Variants in SAFB observed in about 807,000 individuals in gnomAD.
SAFB encodes the protein scaffold attachment factor B.
Under a neutral mutation model 101.6 loss-of-function variants are expected in SAFB, and 15 were observed. The ratio of observed to expected loss-of-function variants is 0.15; its 90% CI spans 0.10 to 0.23. SAFB has a LOEUF of 0.23. Ranked by LOEUF, SAFB falls within the 10% of genes least tolerant of loss-of-function variation. The pLI is 1.00. For synonymous variants in SAFB, 449 were observed against 407.5 expected (o/e 1.10, Z -1.23); for missense variants, 930 against 1,104.1 (o/e 0.84, Z 2.23).
At chr19:5,662,076 G>T (rs761678244) in intron 15 of SAFB, among the ~76,000 whole-genome samples, 1 of 152,036 alleles carries the variant, frequency 6.6e-6, no homozygotes, top group Non-Finnish European at 1.5e-5. Flanking sequence ...CAGTAGAGAC[G>T]GGGTTTCACT....
rs772260780 is a variant in SAFB at position 5,664,459 on chromosome 19, G to A, written c.2334+20G>A. ...GGACAGGTAAGTCTGAAGCTACAGT[G>A]GTAGCCACAGAATTTCCCATAGAAT... On this transcript the variant is annotated intron_variant, in intron 17 of 20. Coordinates refer to ENST00000588852, the MANE Select transcript of SAFB (RefSeq NM_001201338.2). 7 of 1,598,466 alleles carry A rather than the reference G, an allele frequency of 4.4e-6. No homozygotes were observed. In the African/African-American group the frequency reaches 5.4e-5, roughly 12 times the overall value.
chr19:5,636,251 TAA>T (rs903554427), intron 2 of SAFB, among the ~76,000 whole-genome samples: 15 of 152,192 alleles, frequency 9.9e-5, no homozygotes, highest in African/African-American at 3.6e-4. Flanking sequence ...AAGTTTCTGA[TAA>T]GTTAGTAGAT....
intron 14 of SAFB, among the ~76,000 whole-genome samples, chr19:5,660,704 C>CAAAAAAAAAAA: frequency 1.3e-5 from 1 of 76,596 alleles, no homozygotes; most frequent in Non-Finnish European, 2.5e-5. Flanking sequence ...CCATCTCTAC[C>CAAAAAAAAAAA]AAAAAAAAAA....
At chr19:5,647,954 C>T in intron 5 of SAFB, 62 bp from the exon 6 acceptor site, 2 of 1,443,402 alleles carry the variant, frequency 1.4e-6, no homozygotes, top group Non-Finnish European at 2.0e-6. Flanking sequence ...TCTGGGTTTT[C>T]ATTTAAATAA....
At chr19:5,654,921 G>C (rs1209812770) in intron 13 of SAFB, among the ~76,000 whole-genome samples, 1 of 152,192 alleles carries the variant, frequency 6.6e-6, no homozygotes, top group Non-Finnish European at 1.5e-5. Context: ...CTTTTGCTCT[G>C]ATAACTGTTA....
At position 5,664,287 on chromosome 19, in the gene SAFB, C is replaced by T. The variant is rs1439404075; in HGVS notation, c.2292-110C>T. On this transcript the variant is annotated intron_variant, in intron 16 of 20. Transcript: ENST00000588852. Reference sequence around the variant, plus strand: ...TGTATGCTGAGTCAGACCCGCAGGTCTCCTGCCTTCAGTTAGGGAAATTAT... The same window carrying T: ...TGTATGCTGAGTCAGACCCGCAGGTTTCCTGCCTTCAGTTAGGGAAATTAT... 3 of 1,424,088 alleles carry T rather than the reference C, an allele frequency of 2.1e-6. No homozygotes were observed. The African/African-American group carries it at 4.2e-5, about 20-fold the overall frequency. 88.2% of individuals were successfully genotyped at this position (1,424,088 alleles called of 1,614,324 possible). A position where few individuals can be genotyped will look rare whatever the true frequency, so the allele number is the denominator to read the frequency against.
chr19:5,633,019 TCTTC>T (rs2053522418), intron 2 of SAFB, among the ~76,000 whole-genome samples: 1 of 152,268 alleles, frequency 6.6e-6, no homozygotes, highest in Non-Finnish European at 1.5e-5. Flanking sequence ...AAAGTTACTG[TCTTC>T]CTTTTCACAG....
chr19:5,657,241 G>A lies in SAFB; in HGVS notation c.1756G>A (p.Ala586Thr). The change falls in exon 14 of 21, where the codon GCT (alanine) becomes ACT (threonine). Residue 586 changes from alanine to threonine, a missense_variant and splice_region_variant. By Grantham distance (58) the Ala-to-Thr change is moderately conservative. Around this residue, in one of 7 missense-constraint regions of SAFB, gnomAD observed 159 missense variants for 234.1 expected, o/e 0.68. Transcript: ENST00000588852. ...TTTTTAATGTTCTTTGGTGAACTAG[G>A]CTTCCAAAAGCCAGGATCGCAAATC... The part of the protein sequence containing the change: ...SVKTSGSKER[A>T]SKSQDRKSAS... 1 of 1,613,022 alleles carries A rather than the reference G, an allele frequency of 6.2e-7. No homozygotes were observed. The highest frequency in any genetic ancestry group is 8.5e-7 in the Non-Finnish European group (1 of 1,179,200).
rs766296516 is a variant in SAFB, at chr19:5,654,381, C to T, written c.1680C>T (p.Thr560=). 17 of 1,612,866 alleles carry T rather than the reference C, an allele frequency of 1.1e-5. No individual in the cohort carries two copies. The Admixed American group carries it at 1.3e-4, about 13-fold the overall frequency. ...SRATKSGSRG[T]ERTVVMDKSK... is the part of the protein sequence containing the mutation. ...TCTTTTCTGTAGGAAGTCGAGGGAC[C>T]GAACGGACTGTAGTAATGGATAAAT... The change falls in exon 13 of 21, where the codon ACC becomes ACT. Residue 560 remains threonine, a synonymous_variant. Transcript: ENST00000588852.
chr19:5,645,291 GTTA>G (rs1406063153), intron 4 of SAFB, 43 bp from the exon 5 acceptor site: 1 of 806,676 alleles, frequency 1.2e-6, no homozygotes, highest in East Asian at 2.5e-5. Flanking sequence ...ATTATGTTAC[GTTA>G]TTGTTGGTGT....
At chr19:5,664,263 G>A (rs2054281227) in intron 16 of SAFB, 104 bp downstream of exon 16, 1 of 1,450,770 alleles carries the variant, frequency 6.9e-7, no homozygotes, top group East Asian at 2.3e-5. Context: ...TTCATCAGAT[G>A]TATGCTGAGT....
At chr19:5,624,721 C>T (rs1289820571) in intron 1 of SAFB, among the ~76,000 whole-genome samples, 2 of 150,148 alleles carry the variant, frequency 1.3e-5, no homozygotes, top group African/African-American at 2.5e-5. Context: ...ATGAGAAACC[C>T]TGGGCTCAAG....
At chr19:5,626,172 C>G (rs772357521) in intron 1 of SAFB, among the ~76,000 whole-genome samples, 15 of 152,148 alleles carry the variant, frequency 9.9e-5, no homozygotes, top group Non-Finnish European at 1.9e-4. Flanking sequence ...GAAGCAAAAA[C>G]TGAGCACCTA....
intron 4 of SAFB, among the ~76,000 whole-genome samples, chr19:5,642,440 A>C (rs896979679): frequency 6.6e-6 from 1 of 150,984 alleles, no homozygotes; most frequent in African/African-American, 2.4e-5. Context: ...AGTCTGACAG[A>C]ACCCTATCTC....
intron 14 of SAFB, among the ~76,000 whole-genome samples, chr19:5,659,673 G>A (rs1410347092): frequency 3.3e-5 from 5 of 150,688 alleles, no homozygotes; most frequent in African/African-American, 9.8e-5. Flanking sequence ...GAGCCACTGC[G>A]CCCAGCCTAT....
At chr19:5,655,258 T>C (rs2054030214) in intron 13 of SAFB, among the ~76,000 whole-genome samples, 2 of 151,978 alleles carry the variant, frequency 1.3e-5, no homozygotes, top group South Asian at 4.2e-4. Flanking sequence ...AGGAGATGGA[T>C]ACCACCTTGG....
intron 13 of SAFB, among the ~76,000 whole-genome samples, chr19:5,655,382 C>G (rs1028358129): frequency 1.3e-5 from 2 of 150,920 alleles, no homozygotes; most frequent in Non-Finnish European, 1.5e-5. Context: ...GCCACTTAAA[C>G]CTGGGAGGTC....
rs1182450378 is a variant in SAFB, at chr19:5,641,831, T to C, written c.431T>C (p.Val144Ala). 3.2e-5 allele frequency: 51 copies of C among 1,613,978 alleles called. No homozygotes were observed. The highest frequency in any genetic ancestry group is 4.2e-5 in the Non-Finnish European group (49 of 1,180,018). The change falls in exon 4 of 21, where the codon GTT (valine) becomes GCT (alanine). Residue 144 changes from valine to alanine, a missense_variant. Val to Ala is a moderately conservative substitution (Grantham distance 64). Around this residue, in one of 7 missense-constraint regions of SAFB, gnomAD observed 119 missense variants for 171.4 expected, o/e 0.69. Coordinates refer to ENST00000588852, the MANE Select transcript of SAFB (RefSeq NM_001201338.2). ...LDEAEIDNGSVADCVEDDDAD... is the reference protein window; with the variant it reads ...LDEAEIDNGSAADCVEDDDAD... ...GAAGCAGAAATTGATAATGGAAGCG[T>C]TGCAGATTGTGTCGAAGACGATGAT...
In SAFB at chr19:5,664,128, C is replaced by T. The variant is rs1486937228; in HGVS notation, c.2260C>T (p.Arg754Cys). 9 of 1,613,822 alleles carry T rather than the reference C, an allele frequency of 5.6e-6. No homozygotes were observed. The highest frequency in any genetic ancestry group is 1.3e-5 in the African/African-American group (1 of 74,928). Residue 754 changes from arginine to cysteine, a missense_variant, in exon 16 of 21, where the codon CGC (arginine) becomes TGC (cysteine). Physicochemically the swap from Arg to Cys is radical, Grantham distance 180. Transcript: ENST00000588852. ...DRFHDFDHRD[R>C]GRYPDHSVDR... Reference sequence around the variant, plus strand: ...CTTCCACGACTTTGACCACAGGGACCGCGGCCGCTACCCCGACCACTCGGT... The same window carrying T: ...CTTCCACGACTTTGACCACAGGGACTGCGGCCGCTACCCCGACCACTCGGT...
Sources: gnomAD v4.1 joint callset for allele counts (sites outside exome capture counted in the v4.1 genomes callset) on GRCh38, gnomAD v4.1.1 for gene constraint, gnomAD v4.1.1 regional missense constraint, MANE v1.5 for transcripts, NCBI Gene and HGNC (gene_info 2026-07-23, HGNC 2026-07-21) for gene names.